ABCC3: variants seen among roughly 807,000 people sequenced by gnomAD.
ABCC3 encodes the protein ATP-binding cassette sub-family C member 3.
Under a neutral mutation model 165.3 loss-of-function variants are expected in ABCC3, and 121 were observed. That is an observed-to-expected ratio of 0.73 (90% confidence interval 0.63 to 0.85). The LOEUF (loss-of-function observed/expected upper bound fraction) is 0.85, where lower values mean the gene tolerates loss of function less well. Ranked by LOEUF, ABCC3 falls within the 40% of genes least tolerant of loss-of-function variation. The pLI, the probability that ABCC3 is intolerant of heterozygous loss-of-function variation, is 0.00. For missense variants in ABCC3, 1,869 were observed against 1,964.1 expected, an observed-to-expected ratio of 0.95 and a Z score of 0.92; for synonymous variants, 733 against 810.1, an observed-to-expected ratio of 0.90 and a Z score of 1.62.
At chr17:50,648,023 A>G (rs1407447146) in intron 1 of ABCC3, among the ~76,000 whole-genome samples, 2 of 152,006 alleles carry the variant, frequency 1.3e-5, no homozygotes, top group Non-Finnish European at 2.9e-5. Context: ...TGGGAGACAG[A>G]GCAAGACTCT....
In ABCC3 at chr17:50,675,717, T is replaced by G; in HGVS notation, c.2801T>G (p.Val934Gly). 6.4e-7 allele frequency: 1 copy of G among 1,566,286 alleles called. No individual in the cohort carries two copies. The highest frequency in any genetic ancestry group is 8.7e-7 in the Non-Finnish European group (1 of 1,155,318). Residue 934 changes from valine to glycine, a missense_variant, in exon 21 of 31, where the codon GTG (valine) becomes GGG (glycine). Physicochemically the swap from Val to Gly is moderately radical, Grantham distance 109 (BLOSUM62 -3). Coordinates refer to ENST00000285238, the MANE Select transcript of ABCC3 (RefSeq NM_003786.4). ...CTGGGTCCATCAGAGAAGGTGCAGG[T>G]GACAGAGGCGAAGGCAGATGGGGCA... ...RHLGPSEKVQ[V>G]TEAKADGALT...
chr17:50,663,757 T>G lies in ABCC3; in HGVS notation c.1075T>G (p.Cys359Gly). ...GFLVAGLMFL[C>G]SMMQSLILQH... ...CCTGGTGGCTGGGCTGATGTTCCTG[T>G]GCTCCATGATGCAGTCGCTGATCTT... The change falls in exon 9 of 31, where the codon TGC (cysteine) becomes GGC (glycine). Residue 359 changes from cysteine (C) to glycine (G), a missense_variant. Physicochemically the swap from Cys to Gly is radical, Grantham distance 159 (BLOSUM62 -3). Transcript: ENST00000285238. 6.2e-7 allele frequency: 1 copy of G among 1,614,220 alleles called. No individual in the cohort carries two copies. The highest frequency in any genetic ancestry group is 8.5e-7 in the Non-Finnish European group (1 of 1,180,034).
intron 1 of ABCC3, among the ~76,000 whole-genome samples, chr17:50,637,090 T>G (rs1445265190): frequency 1.3e-5 from 2 of 152,112 alleles, no homozygotes; most frequent in Non-Finnish European, 2.9e-5. Flanking sequence ...GCAGGCTCAG[T>G]GGGAGTCAGC....
Position 50,635,943 on chromosome 17 carries a change from C to T in ABCC3, c.45+962C>T, listed in dbSNP as rs533417977. The T allele has an allele frequency of 7.7e-4, 162 of 210,398 alleles. 4 individuals are homozygous for T. The South Asian group carries it at 0.014, about 19-fold the overall frequency. The allele number at this position is 210,398 out of a possible 1,614,324, so 13.0% of individuals were successfully genotyped here. ...CTTTGGTGACTCTCACTCCAAATCTCTTTCTAAGACAGGCTGCTCTTCAGC... is the reference window on the plus strand; with the variant it reads ...CTTTGGTGACTCTCACTCCAAATCTTTTTCTAAGACAGGCTGCTCTTCAGC... On this transcript the variant is annotated intron_variant, in intron 1 of 30. Transcript: ENST00000285238.
intron 1 of ABCC3, among the ~76,000 whole-genome samples, chr17:50,652,251 A>AT (rs1321724442): frequency 6.6e-5 from 10 of 152,232 alleles, no homozygotes; most frequent in African/African-American, 2.2e-4. Context: ...TTTCATTTAA[A>AT]TATCTTAGCC....
Position 50,691,120 on chromosome 17 carries a change from G to C in ABCC3, c.4504G>C (p.Ala1502Pro). ...CCTGGTCCTGGACAAAGGAGTAGTA[G>C]CTGAATTTGATTCTCCAGCCAACCT... ...RVLVLDKGVVAEFDSPANLIA... is the reference protein window; with the variant it reads ...RVLVLDKGVVPEFDSPANLIA... Residue 1502 changes from alanine (A) to proline (P), a missense_variant, in exon 31 of 31, where the codon GCT (alanine) becomes CCT (proline). Physicochemically the swap from Ala to Pro is conservative, Grantham distance 27. Transcript: ENST00000285238. 11 of 1,614,106 alleles carry C rather than the reference G, an allele frequency of 6.8e-6. No individual in the cohort carries two copies. Among genetic ancestry groups the C allele is most frequent in the Non-Finnish European group, 9.3e-6 (11 of 1,179,956 alleles).
chr17:50,666,918 T>C (rs1268723516), intron 11 of ABCC3, among the ~76,000 whole-genome samples: 3 of 152,202 alleles, frequency 2.0e-5, no homozygotes, highest in Non-Finnish European at 4.4e-5. Flanking sequence ...TGCAATGTGC[T>C]TTAGAAACCC....
intron 10 of ABCC3, 143 bp from the exon 11 acceptor site, chr17:50,665,010 T>C: frequency 1.5e-6 from 1 of 677,950 alleles, no homozygotes. Flanking sequence ...TCTGACTTTC[T>C]ATCTGTTTGG....
chr17:50,680,596 T>A (rs982137032), intron 26 of ABCC3, among the ~76,000 whole-genome samples: 4 of 152,100 alleles, frequency 2.6e-5, no homozygotes, highest in Non-Finnish European at 5.9e-5. Flanking sequence ...CCTTTGTGTC[T>A]CTGTCCATCA....
In ABCC3 at chr17:50,673,489, C is replaced by T. The variant is rs772741618; in HGVS notation, c.2430C>T (p.His810=). 37 of 1,613,964 alleles carry T rather than the reference C, an allele frequency of 2.3e-5. No individual in the cohort carries two copies. The highest frequency in any genetic ancestry group is 1.6e-4 in the Middle Eastern group (1 of 6,084). The part of the protein sequence containing the change: ...LAGKTRVLVT[H]GISFLPQTDF... ...CCCAGACGCGAGTGCTGGTGACGCA[C>T]GGCATTAGCTTCCTGCCCCAGACAG... The change falls in exon 19 of 31, where the codon CAC becomes CAT. Residue 810 remains histidine (H), a synonymous_variant. Transcript: ENST00000285238.
At chr17:50,673,442 G>A (rs1377679232) in intron 18 of ABCC3, 27 bp from the exon 19 acceptor site, 12 of 1,608,926 alleles carry the variant, frequency 7.5e-6, no homozygotes, top group Non-Finnish European at 1.0e-5. Flanking sequence ...GGGTGGTAGG[G>A]GTGAGAGCCT....
At chr17:50,673,961 T>C (rs1186973061) in intron 19 of ABCC3, among the ~76,000 whole-genome samples, 20 of 22,058 alleles carry the variant, frequency 9.1e-4, no homozygotes, top group Middle Eastern at 0.024. Context: ...TCTTTCTTTC[T>C]TTCTTTCTTT....
intron 30 of ABCC3, among the ~76,000 whole-genome samples, chr17:50,690,765 G>A (rs1444454799): frequency 2.6e-5 from 4 of 152,236 alleles, no homozygotes; most frequent in South Asian, 2.1e-4. Context: ...AGAGCCCAGC[G>A]CACAGGCCCA....
intron 10 of ABCC3, chr17:50,664,452 C>A (rs1198637072): frequency 7.0e-6 from 2 of 287,014 alleles, no homozygotes; most frequent in South Asian, 8.2e-5. Flanking sequence ...CGCCTGTAAT[C>A]CCAGCATTTT....
rs1026101696 is a variant in ABCC3 at position 50,659,101 on chromosome 17, C to T, written c.675-136C>T. The T allele has an allele frequency of 4.7e-5, 49 of 1,046,878 alleles. No individual in the cohort carries two copies. In the East Asian group the frequency reaches 1.2e-3, roughly 25 times the overall value. 64.8% of individuals were successfully genotyped at this position (1,046,878 alleles called of 1,614,324 possible). A position where few individuals can be genotyped will look rare whatever the true frequency, so the allele number is the denominator to read the frequency against. On this transcript the variant is annotated intron_variant, in intron 6 of 30. Coordinates refer to ENST00000285238, the MANE Select transcript of ABCC3 (RefSeq NM_003786.4). ...ATTCACTGAGGAAATGAAGGAGACA[C>T]CTTTCATGGTCACAGTGCCCGAGGG...
chr17:50,663,507 T>G, intron 8 of ABCC3, 174 bp from the exon 9 acceptor site: 1 of 646,032 alleles, frequency 1.5e-6, no homozygotes, highest in South Asian at 2.0e-5. Flanking sequence ...AGCCAGGAGG[T>G]CGTGGTCTTG....
chr17:50,658,982 G>A (rs893120596), intron 6 of ABCC3, among the ~76,000 whole-genome samples: 5 of 152,214 alleles, frequency 3.3e-5, no homozygotes, highest in African/African-American at 4.8e-5. Flanking sequence ...CATCACCAGG[G>A]CCTGGGGTGG....
intron 8 of ABCC3, 144 bp from the exon 9 acceptor site, chr17:50,663,537 C>A: frequency 2.1e-6 from 2 of 940,078 alleles, no homozygotes; most frequent in East Asian, 2.5e-5. Context: ...TGGGTTGACC[C>A]TCCCTGGCCC....
At chr17:50,641,028 A>G (rs2054226415) in intron 1 of ABCC3, among the ~76,000 whole-genome samples, 1 of 152,022 alleles carries the variant, frequency 6.6e-6, no homozygotes, top group Admixed American at 6.5e-5. Flanking sequence ...CATGACAGAG[A>G]CTGTCAACAG....
Sources: allele counts gnomAD v4.1 joint callset (sites outside exome capture counted in the v4.1 genomes callset), GRCh38; gene constraint gnomAD v4.1.1; transcripts MANE v1.5; gene names NCBI Gene and HGNC (gene_info 2026-07-23, HGNC 2026-07-21).